ARL14EPL: variants seen among roughly 807,000 people sequenced by gnomAD.
The protein encoded by ARL14EPL is ARF like GTPase 14 effector protein like.
In ARL14EPL, 17 loss-of-function variants were observed where a neutral mutation model predicts 15.9. The observed-to-expected ratio is 1.07, with a 90% CI of 0.73 to 1.60. The LOEUF (loss-of-function observed/expected upper bound fraction) is 1.60, where lower values mean the gene tolerates loss of function less well. Among genes scored for constraint, ARL14EPL ranks in the 40% most tolerant of loss-of-function variants. ARL14EPL has a pLI of 0.00. For synonymous variants in ARL14EPL, 78 were observed against 63.8 expected (o/e 1.22, Z -1.06); for missense variants, 214 against 185.9 (o/e 1.15, Z -0.88).
intron 1 of ARL14EPL, among the ~76,000 whole-genome samples, chr5:116,046,436 G>A (rs148172694): frequency 6.6e-6 from 1 of 152,312 alleles, no homozygotes; most frequent in Non-Finnish European, 1.5e-5. Context: ...ATAAATGGAA[G>A]TGATAAACGT....
Position 116,052,350 on chromosome 5 carries a change from A to C in ARL14EPL, c.96+789A>C, listed in dbSNP as rs1749406036. 4.6e-6 allele frequency: 4 copies of C among 861,426 alleles called. No homozygotes were observed. In the African/African-American group the frequency reaches 5.1e-5, roughly 11 times the overall value. The allele number at this position is 861,426 out of a possible 1,614,324, so 53.4% of individuals were successfully genotyped here. A position where few individuals can be genotyped will look rare whatever the true frequency, so the allele number is the denominator to read the frequency against. ...AAAGATGTCGGACAAAAAAGCTACA[A>C]ATGTTTTTATTTAATGAACCTTTAT... On this transcript the variant is annotated intron_variant, in intron 2 of 3. Coordinates refer to ENST00000686077, the MANE Select transcript of ARL14EPL (RefSeq NM_001195581.2).
At chr5:116,033,998 G>T (rs1749005280) in intron 1 of ARL14EPL, among the ~76,000 whole-genome samples, 1 of 152,120 alleles carries the variant, frequency 6.6e-6, no homozygotes. Context: ...AATGAGATGA[G>T]GCTGTCACCT....
chr5:116,057,026 A>G (rs1053114274), intron 3 of ARL14EPL, among the ~76,000 whole-genome samples: 13 of 152,358 alleles, frequency 8.5e-5, no homozygotes, highest in African/African-American at 2.6e-4. Flanking sequence ...AATATCCTCA[A>G]TAAAATACTG....
rs10079565 is a variant in ARL14EPL at position 116,059,160 on chromosome 5, A to C, written c.*213A>C. Reference sequence around the variant, plus strand: ...TTCAAGTCCCTTAACTTGCAACCAAAGAATGTAACAATGGAGGGATCAGCA... The same window carrying C: ...TTCAAGTCCCTTAACTTGCAACCAACGAATGTAACAATGGAGGGATCAGCA... On this transcript the variant is annotated 3_prime_UTR_variant, in exon 4 of 4. Transcript: ENST00000686077. 2.8e-4 allele frequency: 159 copies of C among 566,368 alleles called. 1 individual carries two copies. Among genetic ancestry groups the C allele is most frequent in the Non-Finnish European group, 3.8e-5 (12 of 318,854 alleles). 35.1% of individuals were successfully genotyped at this position (566,368 alleles called of 1,614,324 possible). A position where few individuals can be genotyped will look rare whatever the true frequency, so the allele number is the denominator to read the frequency against.
intron 1 of ARL14EPL, among the ~76,000 whole-genome samples, chr5:116,036,423 T>C (rs549832455): frequency 1.3e-5 from 2 of 149,490 alleles, no homozygotes; most frequent in African/African-American, 4.9e-5. Context: ...ACAAGGAAAA[T>C]TTCCAAGATA....
intron 1 of ARL14EPL, among the ~76,000 whole-genome samples, chr5:116,047,318 C>A (rs1236675771): frequency 6.6e-6 from 1 of 152,190 alleles, no homozygotes; most frequent in East Asian, 1.9e-4. Context: ...GCATGCTTTC[C>A]TATTCCTTCC....
At chr5:116,041,665 C>A (rs1749160922) in intron 1 of ARL14EPL, among the ~76,000 whole-genome samples, 1 of 152,094 alleles carries the variant, frequency 6.6e-6, no homozygotes, top group African/African-American at 2.4e-5. Flanking sequence ...CCCCTGACAC[C>A]CCCACTAGAG....
At chr5:116,056,163 AG>A (rs1204067896) in intron 3 of ARL14EPL, among the ~76,000 whole-genome samples, 1 of 151,982 alleles carries the variant, frequency 6.6e-6, no homozygotes, top group Non-Finnish European at 1.5e-5. Context: ...GTATATATGC[AG>A]TAATGGGATG....
chr5:116,059,028 T>C lies in ARL14EPL; in HGVS notation c.*81T>C. 1 of 1,340,816 alleles carries C rather than the reference T, an allele frequency of 7.5e-7. No homozygotes were observed. 83.1% of individuals were successfully genotyped at this position (1,340,816 alleles called of 1,614,324 possible). On this transcript the variant is annotated 3_prime_UTR_variant, in exon 4 of 4. Coordinates refer to ENST00000686077, the MANE Select transcript of ARL14EPL (RefSeq NM_001195581.2). ...CTTTCTTTTGGGTGAATTTTAGGGC[T>C]TGGGGGAAATATCGAAAAAACATAC...
At chr5:116,036,168 A>C (rs181725081) in intron 1 of ARL14EPL, among the ~76,000 whole-genome samples, 236 of 152,354 alleles carry the variant, frequency 1.5e-3, no homozygotes, top group African/African-American at 5.5e-3. Context: ...ATAGGGGCTT[A>C]AGGTGCTAGC....
At chr5:116,037,753 A>G (rs1055133042) in intron 1 of ARL14EPL, among the ~76,000 whole-genome samples, 1 of 152,238 alleles carries the variant, frequency 6.6e-6, no homozygotes, top group African/African-American at 2.4e-5. Context: ...ATGGGTAAAT[A>G]TAGGAAATGA....
chr5:116,036,633 G>A (rs772358029), intron 1 of ARL14EPL, among the ~76,000 whole-genome samples: 1 of 152,110 alleles, frequency 6.6e-6, no homozygotes, highest in African/African-American at 2.4e-5. Flanking sequence ...GAATGTGCAG[G>A]AATTACAACC....
At chr5:116,052,046 C>A in intron 2 of ARL14EPL, 2 of 1,612,346 alleles carry the variant, frequency 1.2e-6, no homozygotes, top group Non-Finnish European at 1.7e-6. Flanking sequence ...GGCCAGGGAG[C>A]CTCGAATCTT....
At chr5:116,044,191 T>G (rs1749220270) in intron 1 of ARL14EPL, among the ~76,000 whole-genome samples, 1 of 152,314 alleles carries the variant, frequency 6.6e-6, no homozygotes, top group South Asian at 2.1e-4. Context: ...AGATTTTGTT[T>G]CCTTTCCTTG....
intron 3 of ARL14EPL, among the ~76,000 whole-genome samples, chr5:116,057,917 G>A (rs2662480): frequency 0.76 from 114,924 of 152,172 alleles, 43,878 homozygotes; most frequent in African/African-American, 0.79. Context: ...TATTTTTGTT[G>A]TTCTCAGGTT....
chr5:116,045,439 G>T (rs1426080609), intron 1 of ARL14EPL, among the ~76,000 whole-genome samples: 1 of 152,102 alleles, frequency 6.6e-6, no homozygotes, highest in Non-Finnish European at 1.5e-5. Flanking sequence ...TAAACAGAAG[G>T]GGTTGGTTTT....
At chr5:116,038,758 C>T (rs1329666704) in intron 1 of ARL14EPL, among the ~76,000 whole-genome samples, 1 of 152,020 alleles carries the variant, frequency 6.6e-6, no homozygotes, top group Non-Finnish European at 1.5e-5. Context: ...GGAAATAGAG[C>T]ACATTCTGAA....
intron 1 of ARL14EPL, among the ~76,000 whole-genome samples, chr5:116,048,466 T>G (rs866462334): frequency 2.0e-4 from 30 of 152,256 alleles, no homozygotes; most frequent in African/African-American, 6.5e-4. Context: ...CTATGGACCA[T>G]TTCTCAGAAT....
At chr5:116,038,639 G>A (rs1219789705) in intron 1 of ARL14EPL, among the ~76,000 whole-genome samples, 1 of 149,436 alleles carries the variant, frequency 6.7e-6, no homozygotes, top group Non-Finnish European at 1.5e-5. Context: ...AGCGAAGTGT[G>A]GAGATTAAAA....
Sources: gnomAD v4.1 joint callset for allele counts (sites outside exome capture counted in the v4.1 genomes callset) on GRCh38, gnomAD v4.1.1 for gene constraint, MANE v1.5 for transcripts, NCBI Gene and HGNC (gene_info 2026-07-23, HGNC 2026-07-21) for gene names.